The following PRDM1 variants were observed in gnomAD, a reference collection of about 807,000 sequenced individuals.
PRDM1 encodes PR/SET domain 1, also known as PR domain zinc finger protein 1.
Under a neutral mutation model 62.8 loss-of-function variants are expected in PRDM1, and 13 were observed. The observed-to-expected ratio is 0.21, with a 90% CI of 0.13 to 0.33. PRDM1 has a LOEUF of 0.33. Ranked by LOEUF, PRDM1 falls within the 10% of genes least tolerant of loss-of-function variation. PRDM1 has a pLI of 1.00. For missense variants in PRDM1, 895 were observed against 1,058.8 expected, an observed-to-expected ratio of 0.85 and a Z score of 2.15; for synonymous variants, 396 against 417.6, an observed-to-expected ratio of 0.95 and a Z score of 0.63.
intron 4 of PRDM1, among the ~76,000 whole-genome samples, chr6:106,103,951 G>A (rs760946443): frequency 2.6e-5 from 4 of 152,202 alleles, no homozygotes; most frequent in South Asian, 2.1e-4. Flanking sequence ...TCTGCACATC[G>A]CGAGGAAGGT....
At chr6:106,099,194 T>C in intron 3 of PRDM1, 106 bp from the exon 4 acceptor site, 1 of 1,600,942 alleles carries the variant, frequency 6.2e-7, no homozygotes, top group African/African-American at 1.3e-5. Context: ...AACTAGGCAG[T>C]AGGGGATCAG....
chr6:106,101,814 C>T (rs753066710), intron 4 of PRDM1, among the ~76,000 whole-genome samples: 26 of 151,866 alleles, frequency 1.7e-4, no homozygotes, highest in African/African-American at 9.7e-5. Context: ...ATGGTTCAGG[C>T]GGTAGAGTTT....
intron 1 of PRDM1, among the ~76,000 whole-genome samples, chr6:106,034,566 T>C (rs760700636): frequency 6.6e-6 from 1 of 151,932 alleles, no homozygotes; most frequent in African/African-American, 2.4e-5. Flanking sequence ...CTTCTGTTAT[T>C]GATGTCTAAC....
rs202209129 is a variant in PRDM1, at chr6:105,998,890, CATATATATAT to C, written c.-67+5286_-67+5295del. Among the ~76,000 whole-genome samples, 6 of 100,214 alleles carry C rather than the reference CATATATATAT, an allele frequency of 6.0e-5. No individual in the cohort carries two copies. The East Asian group carries it at 8.6e-4, about 14-fold the overall frequency. 65.7% of individuals were successfully genotyped at this position (100,214 alleles called of 152,430 possible). A position where few individuals can be genotyped will look rare whatever the true frequency, so the allele number is the denominator to read the frequency against. ...GCATTGGGATTTTTAAAAGTTAATA[CATATATATAT>C]ATATATATATATATATATATATATA... On this transcript the variant is annotated intron_variant, in intron 1 of 6. Transcript: ENST00000652320.
At chr6:105,995,613 C>A (rs1230527658) in intron 1 of PRDM1, among the ~76,000 whole-genome samples, 1 of 152,042 alleles carries the variant, frequency 6.6e-6, no homozygotes, top group African/African-American at 2.4e-5. Flanking sequence ...ATTACACAGA[C>A]GATTGAGAAC....
intron 4 of PRDM1, among the ~76,000 whole-genome samples, chr6:106,103,645 A>G (rs1774341016): frequency 6.6e-6 from 1 of 152,180 alleles, no homozygotes. Flanking sequence ...TCCTGAAGGC[A>G]TCATTTATTG....
chr6:106,068,883 GGTA>G (rs1367697297), intron 1 of PRDM1, among the ~76,000 whole-genome samples: 1 of 152,220 alleles, frequency 6.6e-6, no homozygotes, highest in Non-Finnish European at 1.5e-5. Flanking sequence ...TGGAGGCTAT[GGTA>G]CATCCCCCAT....
chr6:106,029,865 C>T lies in PRDM1; in HGVS notation c.-67+36226C>T, dbSNP rs373235297. ...AACCCCTGGGCTCAAGCAATTTGTC[C>T]GTCTTGGCCTCCCAAAGCGTTAGGA... On this transcript the variant is annotated intron_variant, in intron 1 of 6. Coordinates refer to the PRDM1 transcript ENST00000652320. Among the ~76,000 whole-genome samples the T allele has an allele frequency of 5.3e-5, 8 of 151,874 alleles. No homozygotes were observed. In the South Asian group the frequency reaches 6.2e-4, roughly 12 times the overall value.
intron 3 of PRDM1, chr6:106,098,514 G>T: frequency 1.6e-6 from 2 of 1,240,756 alleles, no homozygotes; most frequent in South Asian, 2.8e-5. Flanking sequence ...CTATGGCTCT[G>T]TGTGTGGTGT....
At chr6:106,035,644 A>T (rs188312695) in intron 1 of PRDM1, among the ~76,000 whole-genome samples, 1,977 of 152,162 alleles carry the variant, frequency 0.013, 14 homozygotes, top group Non-Finnish European at 0.019. Context: ...AAAAAATTTA[A>T]AAAAAAAGAC....
intron 1 of PRDM1, among the ~76,000 whole-genome samples, chr6:106,023,489 TA>T (rs1260203419): frequency 5.4e-4 from 79 of 146,412 alleles, no homozygotes; most frequent in African/African-American, 1.8e-3. Context: ...AAAAAAAAAA[TA>T]AATAATGATT....
At chr6:106,012,951 G>A (rs185618083) in intron 1 of PRDM1, among the ~76,000 whole-genome samples, 35 of 152,208 alleles carry the variant, frequency 2.3e-4, no homozygotes, top group East Asian at 1.5e-3. Flanking sequence ...TCATTCTGTC[G>A]CCCAGGCTGG....
intron 1 of PRDM1, among the ~76,000 whole-genome samples, chr6:106,076,089 C>T (rs1773601794): frequency 6.6e-6 from 1 of 151,942 alleles, no homozygotes; most frequent in South Asian, 2.1e-4. Context: ...GTAGCTGGGA[C>T]TACAGGTATG....
intron 1 of PRDM1, among the ~76,000 whole-genome samples, chr6:106,024,951 C>T (rs1052020660): frequency 1.3e-5 from 2 of 152,080 alleles, no homozygotes; most frequent in African/African-American, 4.8e-5. Context: ...GCATTTGGCA[C>T]TTGTGAATGC....
Position 106,109,740 on chromosome 6 carries a change from C to T in PRDM1, c.*2254C>T, listed in dbSNP as rs550757552. 1 of 233,324 alleles carries T rather than the reference C, an allele frequency of 4.3e-6. No homozygotes were observed. Among genetic ancestry groups the T allele is most frequent in the South Asian group, 1.8e-4 (1 of 5,528 alleles). The allele number at this position is 233,324 out of a possible 1,614,324, so 14.5% of individuals were successfully genotyped here. ...CCATCCATCCTTCTCTTTTCTGCCT[C>T]TTACATGTGAATGTTGAGCCCACAA... On this transcript the variant is annotated 3_prime_UTR_variant, in exon 7 of 7. Coordinates refer to ENST00000369096, the MANE Select transcript of PRDM1 (RefSeq NM_001198.4).
At chr6:106,032,366 A>G (rs1227633528) in intron 1 of PRDM1, among the ~76,000 whole-genome samples, 6 of 143,114 alleles carry the variant, frequency 4.2e-5, no homozygotes, top group African/African-American at 7.8e-5. Flanking sequence ...GGGTTTCATC[A>G]CGTTGCCCAG....
At chr6:106,062,831 G>C (rs1773365763) in intron 1 of PRDM1, among the ~76,000 whole-genome samples, 1 of 152,110 alleles carries the variant, frequency 6.6e-6, no homozygotes, top group Non-Finnish European at 1.5e-5. Context: ...GGGTTTGTTG[G>C]GAAGGAATGG....
At chr6:106,097,994 T>C (rs1774157076) in intron 3 of PRDM1, among the ~76,000 whole-genome samples, 1 of 152,220 alleles carries the variant, frequency 6.6e-6, no homozygotes, top group Non-Finnish European at 1.5e-5. Context: ...AAGTTACTCT[T>C]AAAAGAAAGT....
chr6:106,104,786 C>G (rs1260470106), intron 4 of PRDM1, 39 bp from the exon 5 acceptor site: 1 of 1,579,430 alleles, frequency 6.3e-7, no homozygotes, highest in East Asian at 2.2e-5. Flanking sequence ...TCAGTTCTCT[C>G]TAGCCCTCTG....
Sources: allele counts gnomAD v4.1 joint callset (sites outside exome capture counted in the v4.1 genomes callset), GRCh38; gene constraint gnomAD v4.1.1; transcripts MANE v1.5; gene names NCBI Gene and HGNC (gene_info 2026-07-23, HGNC 2026-07-21).